PTPRG: variants seen among roughly 807,000 people sequenced by gnomAD.
PTPRG encodes receptor-type tyrosine-protein phosphatase gamma.
Under a neutral mutation model 165.3 loss-of-function variants are expected in PTPRG, and 102 were observed. That is an observed-to-expected ratio of 0.62 (90% CI 0.53 to 0.73). The LOEUF (loss-of-function observed/expected upper bound fraction) is 0.73, where lower values mean the gene tolerates loss of function less well. Among genes scored for constraint, PTPRG ranks in the 30% least tolerant of loss-of-function variants. The pLI, the probability that PTPRG is intolerant of heterozygous loss-of-function variation, is 0.00. For missense variants in PTPRG, 1,866 were observed against 1,861.4 expected (o/e 1.00, Z -0.05); for synonymous variants, 675 against 669.5 (o/e 1.01, Z -0.13).
chr3:61,980,329 G>A (rs546324334), intron 2 of PTPRG, among the ~76,000 whole-genome samples: 18 of 152,312 alleles, frequency 1.2e-4, no homozygotes, highest in Non-Finnish European at 2.4e-4. Flanking sequence ...AGCTGTTCCC[G>A]TTAAGTGCTT....
chr3:61,636,060 C>T (rs1036919237), intron 1 of PTPRG, among the ~76,000 whole-genome samples: 1 of 152,130 alleles, frequency 6.6e-6, no homozygotes, highest in Admixed American at 6.6e-5. Context: ...TGCATAAATT[C>T]TTCCTAAATT....
rs557500033 is a variant in PTPRG, at chr3:61,743,358, C to T, written c.86-5520C>T. Among the ~76,000 whole-genome samples the T allele has an allele frequency of 5.3e-5, 8 of 152,302 alleles. No individual in the cohort carries two copies. In the East Asian group the frequency reaches 7.7e-4, roughly 15 times the overall value. ...AATACTATTGGTTTTGAAATCTCCA[C>T]TCTTACCTTGTCAAAATCGAGAGAC... On this transcript the variant is annotated intron_variant, in intron 1 of 29. Transcript: ENST00000474889.
chr3:62,059,394 T>C (rs1211270585), intron 4 of PTPRG, among the ~76,000 whole-genome samples: 1 of 152,180 alleles, frequency 6.6e-6, no homozygotes, highest in Non-Finnish European at 1.5e-5. Flanking sequence ...CCCAAACCCC[T>C]ATTGTCCATA....
intron 1 of PTPRG, among the ~76,000 whole-genome samples, chr3:61,725,399 A>G (rs937431434): frequency 1.3e-5 from 2 of 152,002 alleles, no homozygotes; most frequent in Non-Finnish European, 2.9e-5. Context: ...TACACTTTGT[A>G]TTTTATTTTT....
rs776421819 is a variant in PTPRG, at chr3:61,908,411, CAA to C, written c.191-81192_191-81191del. Among the ~76,000 whole-genome samples, 357 of 57,696 alleles carry C rather than the reference CAA, an allele frequency of 6.2e-3. 1 individual carries two copies. Among genetic ancestry groups the C allele is most frequent in the African/African-American group, 0.019 (324 of 17,474 alleles). 37.9% of individuals were successfully genotyped at this position (57,696 alleles called of 152,430 possible). On this transcript the variant is annotated intron_variant, in intron 2 of 29. Coordinates refer to ENST00000474889, the MANE Select transcript of PTPRG (RefSeq NM_002841.4). ...CTGTACTCCAGCCTGGGCAACAGAG[CAA>C]AAAAAAAAAAAAAAAAAAAAATCAG...
intron 1 of PTPRG, among the ~76,000 whole-genome samples, chr3:61,592,354 A>G (rs916370818): frequency 1.3e-5 from 2 of 152,128 alleles, no homozygotes; most frequent in Admixed American, 1.3e-4. Flanking sequence ...TCCCGCCTTC[A>G]GAGCAAGTAT....
At chr3:61,643,277 A>AGAG (rs1559537079) in intron 1 of PTPRG, among the ~76,000 whole-genome samples, 4,800 of 149,768 alleles carry the variant, frequency 0.032, 75 homozygotes, top group African/African-American at 0.039. Flanking sequence ...GAGAGAGAGA[A>AGAG]AGAGAGAGAG....
intron 5 of PTPRG, among the ~76,000 whole-genome samples, chr3:62,099,682 T>C (rs1702222860): frequency 1.3e-5 from 2 of 151,928 alleles, no homozygotes; most frequent in Admixed American, 6.6e-5. Context: ...AACACTGCAA[T>C]TAAGAATAGC....
intron 1 of PTPRG, among the ~76,000 whole-genome samples, chr3:61,643,062 T>C (rs1006654771): frequency 7.2e-5 from 11 of 152,220 alleles, no homozygotes; most frequent in African/African-American, 2.7e-4. Context: ...TATTCCAGAC[T>C]GACCAAAGGT....
chr3:61,950,185 G>T (rs990212211), intron 2 of PTPRG, among the ~76,000 whole-genome samples: 6 of 152,168 alleles, frequency 3.9e-5, no homozygotes, highest in Non-Finnish European at 7.3e-5. Context: ...CTGGGAGACA[G>T]TTTCCAGGCC....
intron 4 of PTPRG, among the ~76,000 whole-genome samples, chr3:62,012,583 C>T (rs1000279761): frequency 6.6e-6 from 1 of 152,012 alleles, no homozygotes; most frequent in Non-Finnish European, 1.5e-5. Flanking sequence ...AATACGTAGC[C>T]TGAAGGTAAT....
intron 5 of PTPRG, among the ~76,000 whole-genome samples, chr3:62,129,568 G>T (rs1195958987): frequency 6.6e-6 from 1 of 152,094 alleles, no homozygotes; most frequent in Non-Finnish European, 1.5e-5. Context: ...GAGCAAGAGG[G>T]GGTTGCAAGG....
chr3:62,227,027 C>T (rs538521780), intron 13 of PTPRG, among the ~76,000 whole-genome samples: 3 of 152,190 alleles, frequency 2.0e-5, no homozygotes, highest in South Asian at 4.1e-4. Flanking sequence ...GGATGCAAAC[C>T]GCAAATGTGT....
chr3:61,742,853 C>T, intron 1 of PTPRG: 1 of 1,575,462 alleles, frequency 6.3e-7, no homozygotes, highest in Non-Finnish European at 8.7e-7. Flanking sequence ...GCCTCGATGT[C>T]CATGTGGGGG....
Position 61,974,938 on chromosome 3 carries a change from C to T in PTPRG, c.191-14687C>T, listed in dbSNP as rs934210871. Among the ~76,000 whole-genome samples the T allele has an allele frequency of 2.0e-5, 3 of 152,176 alleles. No individual in the cohort carries two copies. The East Asian group carries it at 5.8e-4, about 29-fold the overall frequency. ...TTTGCCTAACATCCTAACTGCCCAC[C>T]AGTACCAACCATTTAAATAGTGCTA... On this transcript the variant is annotated intron_variant, in intron 2 of 29. Transcript: ENST00000474889.
chr3:62,026,409 T>C (rs886295023), intron 4 of PTPRG, among the ~76,000 whole-genome samples: 8 of 152,182 alleles, frequency 5.3e-5, no homozygotes, highest in African/African-American at 2.4e-5. Flanking sequence ...TAAAGTTTTA[T>C]GGCTACCATG....
At chr3:61,843,939 CT>C (rs1208000727) in intron 2 of PTPRG, among the ~76,000 whole-genome samples, 1 of 149,416 alleles carries the variant, frequency 6.7e-6, no homozygotes, top group Non-Finnish European at 1.5e-5. Context: ...TCATTGATAG[CT>C]TGGAAAATTC....
intron 4 of PTPRG, among the ~76,000 whole-genome samples, chr3:62,011,034 T>C (rs966279395): frequency 6.6e-6 from 1 of 152,176 alleles, no homozygotes; most frequent in Non-Finnish European, 1.5e-5. Flanking sequence ...GGTTTCCGGT[T>C]GCCCCCTTCC....
At chr3:61,983,884 C>A (rs2040697012) in intron 2 of PTPRG, among the ~76,000 whole-genome samples, 1 of 152,078 alleles carries the variant, frequency 6.6e-6, no homozygotes, top group African/African-American at 2.4e-5. Context: ...TAAGGTGTTT[C>A]TCTCAGATTT....
Sources: gnomAD v4.1 joint callset for allele counts (sites outside exome capture counted in the v4.1 genomes callset) on GRCh38, gnomAD v4.1.1 for gene constraint, MANE v1.5 for transcripts, NCBI Gene and HGNC (gene_info 2026-07-23, HGNC 2026-07-21) for gene names.